CAST: variants seen among roughly 807,000 people sequenced by gnomAD.
CAST encodes calpastatin.
Under a neutral mutation model 119.6 loss-of-function variants are expected in CAST, and 76 were observed. The observed-to-expected ratio is 0.64, with a 90% confidence interval of 0.53 to 0.77. CAST has a LOEUF of 0.77. CAST is among the 30% of genes least tolerant of loss of function. The probability of loss-of-function intolerance (pLI) is 0.00; values close to 1 mark genes in which losing one functional copy is unlikely to be tolerated. For missense variants in CAST, 953 were observed against 946.5 expected, an observed-to-expected ratio of 1.01 and a Z score of -0.09; for synonymous variants, 319 against 331.6, an observed-to-expected ratio of 0.96 and a Z score of 0.41.
At chr5:96,403,074 A>G in the CAST span, among the ~76,000 whole-genome samples, 5 of 152,294 alleles carry the variant, frequency 3.3e-5, no homozygotes, top group African/African-American at 1.2e-4. Context: ...GAGGAAGCGT[A>G]CTGAGGAGGC....
At chr5:96,102,576 G>C in the CAST span, among the ~76,000 whole-genome samples, 3 of 152,174 alleles carry the variant, frequency 2.0e-5, no homozygotes, top group Non-Finnish European at 2.9e-5. Context: ...ATTTTGGCTC[G>C]AAGGTGGAGT....
At position 96,686,359 on chromosome 5, in the gene CAST, G is replaced by A. The variant is rs368057555; in HGVS notation, c.139-9477G>A. Among the ~76,000 whole-genome samples the A allele has an allele frequency of 1.6e-4, 25 of 152,202 alleles. 1 individual carries two copies. Among genetic ancestry groups the A allele is most frequent in the African/African-American group, 6.0e-4 (25 of 41,524 alleles). ...AAAGAGTGTAGAGAGAGAAGAGAGA[G>A]AAACTAAAATCAAGTGTTGATAAAT... On this transcript the variant is annotated intron_variant, in intron 2 of 31. Coordinates refer to ENST00000675179, the MANE Select transcript of CAST (RefSeq NM_001750.7).
intron 1 of CAST, among the ~76,000 whole-genome samples, chr5:96,605,402 A>G (rs1281432268): frequency 6.6e-6 from 1 of 152,234 alleles, no homozygotes; most frequent in Non-Finnish European, 1.5e-5. Context: ...GCACAAGATC[A>G]CACAGCTGAT....
chr5:96,249,160 A>C, the CAST span, among the ~76,000 whole-genome samples: 1 of 152,250 alleles, frequency 6.6e-6, no homozygotes, highest in Non-Finnish European at 1.5e-5. Context: ...AACATGAAAG[A>C]AGAAAATATT....
chr5:96,075,791 T>A, the CAST span, among the ~76,000 whole-genome samples: 4 of 152,202 alleles, frequency 2.6e-5, no homozygotes, highest in African/African-American at 7.2e-5. Flanking sequence ...TGCATGTTTA[T>A]TTCATGGGTT....
At position 96,630,553 on chromosome 5, in the gene CAST, G is replaced by T. The variant is rs148205401; in HGVS notation, c.61-44986G>T. On this transcript the variant is annotated intron_variant, in intron 1 of 11. Coordinates refer to the CAST transcript ENST00000505143. ...TGTAATCCCAGCACTTTGGGAGGCTGAGGAGGGTGGATCACCTGAGGTCAG... is the reference window on the plus strand; with the variant it reads ...TGTAATCCCAGCACTTTGGGAGGCTTAGGAGGGTGGATCACCTGAGGTCAG... Among the ~76,000 whole-genome samples, 643 of 152,294 alleles carry T rather than the reference G, an allele frequency of 4.2e-3. 6 individuals are homozygous for T. Among genetic ancestry groups the T allele is most frequent in the African/African-American group, 0.014 (599 of 41,558 alleles).
chr5:96,686,691 A>G (rs1021075548), intron 2 of CAST, among the ~76,000 whole-genome samples: 4 of 152,194 alleles, frequency 2.6e-5, no homozygotes, highest in Admixed American at 6.5e-5. Context: ...TCTTCTTCCA[A>G]TGTATGTAGA....
chr5:96,558,688 A>T (rs983134094), intron 1 of CAST, among the ~76,000 whole-genome samples: 4 of 152,244 alleles, frequency 2.6e-5, no homozygotes, highest in Admixed American at 1.3e-4. Context: ...TACATCAATG[A>T]TTGGCTCTGA....
At chr5:96,163,320 T>C in the CAST span, among the ~76,000 whole-genome samples, 3 of 152,222 alleles carry the variant, frequency 2.0e-5, no homozygotes, top group Admixed American at 2.0e-4. Context: ...TCAGTCTAGC[T>C]AAAATTTCAT....
At chr5:96,136,207 A>G in the CAST span, among the ~76,000 whole-genome samples, 3 of 152,220 alleles carry the variant, frequency 2.0e-5, no homozygotes, top group African/African-American at 7.2e-5. Context: ...AGAGCAGTGG[A>G]TGTTAATTTT....
At chr5:96,137,961 G>A in the CAST span, among the ~76,000 whole-genome samples, 19 of 151,596 alleles carry the variant, frequency 1.3e-4, no homozygotes, top group African/African-American at 3.1e-4. Flanking sequence ...TCGTAACAGT[G>A]TCTTTCACAG....
At chr5:96,433,665 G>A in the CAST span, among the ~76,000 whole-genome samples, 4 of 152,140 alleles carry the variant, frequency 2.6e-5, no homozygotes, top group Admixed American at 6.5e-5. Flanking sequence ...CTGCTATGAA[G>A]AACAAGGCTC....
At chr5:96,321,487 G>A in the CAST span, among the ~76,000 whole-genome samples, 2 of 152,234 alleles carry the variant, frequency 1.3e-5, no homozygotes, top group Non-Finnish European at 1.5e-5. Context: ...AATTGGCAAA[G>A]TGTGTCTGGA....
the CAST span, among the ~76,000 whole-genome samples, chr5:96,515,790 T>A: frequency 6.6e-6 from 1 of 152,104 alleles, no homozygotes. Flanking sequence ...TGGGTACAAG[T>A]GTTCGACTCG....
chr5:96,465,072 G>T, the CAST span, among the ~76,000 whole-genome samples: 4 of 151,828 alleles, frequency 2.6e-5, no homozygotes, highest in African/African-American at 4.8e-5. Context: ...ATTTATTTAG[G>T]TCTGTTTTTC....
the CAST span, among the ~76,000 whole-genome samples, chr5:96,235,441 G>A: frequency 2.6e-5 from 4 of 152,112 alleles, no homozygotes; most frequent in South Asian, 8.3e-4. Context: ...ATCTGGTAGT[G>A]GCTGAGCCTT....
chr5:96,173,891 G>T, the CAST span, among the ~76,000 whole-genome samples: 30 of 151,922 alleles, frequency 2.0e-4, no homozygotes, highest in East Asian at 4.3e-3. Context: ...GGTGGCGCCC[G>T]CCACCACGCC....
chr5:96,029,345 A>G, the CAST span, among the ~76,000 whole-genome samples: 1 of 152,122 alleles, frequency 6.6e-6, no homozygotes, highest in African/African-American at 2.4e-5. Flanking sequence ...GAAAAAACAG[A>G]TATGACTTTG....
At chr5:96,061,810 A>G in the CAST span, among the ~76,000 whole-genome samples, 2 of 152,142 alleles carry the variant, frequency 1.3e-5, no homozygotes, top group Admixed American at 1.3e-4. Context: ...ACAGATGCAC[A>G]CATGGGAGTA....
Sources: allele counts gnomAD v4.1 joint callset (sites outside exome capture counted in the v4.1 genomes callset), GRCh38; gene constraint gnomAD v4.1.1; transcripts MANE v1.5; gene names NCBI Gene and HGNC (gene_info 2026-07-23, HGNC 2026-07-21).